Variants in FREM1 observed in about 807,000 individuals in gnomAD.
FREM1 encodes FRAS1-related extracellular matrix protein 1.
In FREM1, 220 loss-of-function variants were observed where a neutral mutation model predicts 210.1. The observed-to-expected ratio is 1.05, with a 90% CI of 0.94 to 1.17. The LOEUF is 1.17. Among genes scored for constraint, FREM1 ranks in the 50% most tolerant of loss-of-function variants. FREM1 has a pLI of 0.00. For missense variants in FREM1, 3,454 were observed against 2,675.5 expected (o/e 1.29, Z -6.42); for synonymous variants, 1,189 against 980.2 (o/e 1.21, Z -3.98).
intron 3 of FREM1, 80 bp downstream of exon 3, chr9:14,863,729 A>C: frequency 1.2e-6 from 1 of 808,406 alleles, no homozygotes; most frequent in African/African-American, 1.7e-5. Flanking sequence ...TCATGACAAT[A>C]CATATCCACA....
intron 25 of FREM1, among the ~76,000 whole-genome samples, chr9:14,771,235 C>T (rs903971312): frequency 1.3e-5 from 2 of 152,132 alleles, no homozygotes; most frequent in Non-Finnish European, 2.9e-5. Flanking sequence ...AGAAGAACTT[C>T]TCCTATTTTC....
chr9:14,763,991 T>C (rs981421771), intron 27 of FREM1, among the ~76,000 whole-genome samples: 9 of 152,204 alleles, frequency 5.9e-5, no homozygotes, highest in African/African-American at 2.2e-4. Context: ...TCCCCACATG[T>C]TGAATTGTAG....
Position 14,801,731 on chromosome 9 carries a change from G to C in FREM1, c.3615C>G (p.Phe1205Leu). The change falls in exon 20 of 37, where the codon TTC (phenylalanine) becomes TTG (leucine). Residue 1205 changes from phenylalanine (F) to leucine (L), a missense_variant. Coordinates refer to ENST00000380880, the MANE Select transcript of FREM1 (RefSeq NM_001379081.2). The part of the protein sequence containing the change: ...LLIDRGFSKD[F>L]SENKQPANPH... ...GGTTGGCTGGCTGCTTATTCTCAGAGAAGTCTTTGCTAAACCCCCTATCGA... is the reference window on the plus strand; with the variant it reads ...GGTTGGCTGGCTGCTTATTCTCAGACAAGTCTTTGCTAAACCCCCTATCGA... 6.2e-7 allele frequency: 1 copy of C among 1,613,984 alleles called. No individual in the cohort carries two copies. The highest frequency in any genetic ancestry group is 1.6e-4 in the Middle Eastern group (1 of 6,062).
At chr9:14,794,997 CAAA>C (rs36009556) in intron 21 of FREM1, among the ~76,000 whole-genome samples, 39,569 of 120,066 alleles carry the variant, frequency 0.33, 5,613 homozygotes, top group East Asian at 0.57. Flanking sequence ...GACTTTCTCT[CAAA>C]AAAAAAAAAA....
At chr9:14,757,255 A>T (rs2132198315) in intron 28 of FREM1, among the ~76,000 whole-genome samples, 1 of 152,230 alleles carries the variant, frequency 6.6e-6, no homozygotes, top group Non-Finnish European at 1.5e-5. Context: ...GCCCAAACAC[A>T]TGTTAAGAAG....
intron 1 of FREM1, among the ~76,000 whole-genome samples, chr9:14,889,518 G>A (rs2132338627): frequency 6.6e-6 from 1 of 152,336 alleles, no homozygotes; most frequent in South Asian, 2.1e-4. Flanking sequence ...ACAGCTACCT[G>A]GAAACCAAGG....
intron 15 of FREM1, among the ~76,000 whole-genome samples, chr9:14,814,969 A>G (rs756084058): frequency 1.3e-5 from 2 of 152,224 alleles, no homozygotes; most frequent in Non-Finnish European, 2.9e-5. Context: ...TTTTCAGACA[A>G]AAAAAGTAAC....
chr9:14,812,677 G>C, intron 16 of FREM1, 135 bp downstream of exon 16: 1 of 832,964 alleles, frequency 1.2e-6, no homozygotes, highest in East Asian at 2.5e-5. Flanking sequence ...TGGAAAAATG[G>C]AGGCCAGGCT....
intron 10 of FREM1, among the ~76,000 whole-genome samples, chr9:14,839,761 A>G (rs1825309400): frequency 6.6e-6 from 1 of 152,202 alleles, no homozygotes; most frequent in Admixed American, 6.5e-5. Context: ...TGAATTTTTC[A>G]TTTTTAAAAA....
At position 14,888,925 on chromosome 9, in the gene FREM1, AT is replaced by A. The variant is rs200772445; in HGVS notation, c.-267-19682del. Among the ~76,000 whole-genome samples the A allele has an allele frequency of 7.0e-3, 1,066 of 152,326 alleles. 15 individuals carry two copies. Among genetic ancestry groups the A allele is most frequent in the African/African-American group, 0.024 (1,015 of 41,572 alleles). Reference sequence around the variant, plus strand: ...AAACACAGAAACATATAGAAAAAAAATATCCTTTTCAATACCCCCAAAGAGT... The same window carrying A: ...AAACACAGAAACATATAGAAAAAAAAATCCTTTTCAATACCCCCAAAGAGT... On this transcript the variant is annotated intron_variant, in intron 1 of 36. Transcript: ENST00000380880.
At chr9:14,832,206 C>G (rs933261961) in intron 10 of FREM1, among the ~76,000 whole-genome samples, 1 of 152,244 alleles carries the variant, frequency 6.6e-6, no homozygotes, top group African/African-American at 2.4e-5. Flanking sequence ...GGGAAGTCAT[C>G]TGAGGGTCCC....
rs368731962 is a variant in FREM1, at chr9:14,804,990, T to C, written c.3437A>G (p.Asp1146Gly). The C allele has an allele frequency of 5.0e-6, 8 of 1,613,406 alleles. No homozygotes were observed. The highest frequency in any genetic ancestry group is 1.3e-5 in the African/African-American group (1 of 74,930). ...CTGCACTACAAAGTCAGGAGCTTCA[T>C]CATTTGTGGGGTTGATTATAATAGA... Reference protein sequence around the residue: ...PFSIIINPTNDEAPDFVVQNI... With the variant: ...PFSIIINPTNGEAPDFVVQNI... Residue 1146 changes from aspartate (D) to glycine (G), a missense_variant, in exon 19 of 37, where the codon GAT (aspartate) becomes GGT (glycine). Physicochemically the swap from Asp to Gly is moderately conservative, Grantham distance 94 (BLOSUM62 -1). Coordinates refer to ENST00000380880, the MANE Select transcript of FREM1 (RefSeq NM_001379081.2).
At position 14,884,461 on chromosome 9, in the gene FREM1, T is replaced by G. The variant is rs192698836; in HGVS notation, c.-267-15217A>C. On this transcript the variant is annotated intron_variant, in intron 1 of 36. Transcript: ENST00000380880. ...AAACGCCAATAAAGCTGTGTGAAAA[T>G]TCTTTCTGAAATGTGAAAAAACACG... Among the ~76,000 whole-genome samples the G allele has an allele frequency of 4.6e-3, 705 of 152,312 alleles. 4 individuals are homozygous for G. The highest frequency in any genetic ancestry group is 0.016 in the African/African-American group (673 of 41,576).
At chr9:14,838,179 T>C (rs1824975296) in intron 10 of FREM1, among the ~76,000 whole-genome samples, 1 of 152,242 alleles carries the variant, frequency 6.6e-6, no homozygotes, top group South Asian at 2.1e-4. Context: ...GTATTCTGAA[T>C]GCCATTGTTG....
chr9:14,867,460 G>A (rs1267638705), intron 2 of FREM1, among the ~76,000 whole-genome samples: 6 of 152,054 alleles, frequency 3.9e-5, no homozygotes, highest in Non-Finnish European at 5.9e-5. Context: ...TTTGACTGAC[G>A]ATAAAATCTT....
chr9:14,812,895 C>A lies in FREM1; in HGVS notation c.2810G>T (p.Gly937Val), dbSNP rs771479902. ...MFVIAREPQH[G>V]VVRRAGVTVD... ...TGTGACTCCAGCTCTCCTCACCACC[C>A]CATGCTGAGGTTCGCGAGCAATCAC... Residue 937 changes from glycine (G) to valine (V), a missense_variant, in exon 16 of 37, where the codon GGG becomes GTG. Coordinates refer to ENST00000380880, the MANE Select transcript of FREM1 (RefSeq NM_001379081.2). 3.7e-6 allele frequency: 6 copies of A among 1,613,704 alleles called. No individual in the cohort carries two copies. The African/African-American group carries it at 6.7e-5, about 18-fold the overall frequency.
intron 1 of FREM1, among the ~76,000 whole-genome samples, chr9:14,907,338 G>C (rs1357611679): frequency 6.6e-6 from 1 of 152,206 alleles, no homozygotes; most frequent in Non-Finnish European, 1.5e-5. Flanking sequence ...AGTATAGACA[G>C]TATTTCATTA....
chr9:14,858,384 C>T (rs1298397512), intron 4 of FREM1, among the ~76,000 whole-genome samples: 2 of 152,008 alleles, frequency 1.3e-5, no homozygotes, highest in Non-Finnish European at 2.9e-5. Flanking sequence ...AAAAATTGTA[C>T]AGATGAGGTC....
In FREM1 at chr9:14,776,166, C is replaced by A. The variant is rs1167713016; in HGVS notation, c.4480G>T (p.Val1494Leu). 3 of 1,542,030 alleles carry A rather than the reference C, an allele frequency of 1.9e-6. No homozygotes were observed. Among genetic ancestry groups the A allele is most frequent in the Non-Finnish European group, 2.6e-6 (3 of 1,144,392 alleles). Residue 1494 changes from valine (V) to leucine (L), a missense_variant, in exon 25 of 37, where the codon GTG (valine) becomes TTG (leucine). Transcript: ENST00000380880. ...ACAGTCTCCAGTGTGATCTCAAACA[C>A]CCCGTGCTCGGTCCGCAGTCCATTG... ...ISNGLRTEHG[V>L]FEITLETVDR...
Sources: gnomAD v4.1 joint callset for allele counts (sites outside exome capture counted in the v4.1 genomes callset) on GRCh38, gnomAD v4.1.1 for gene constraint, MANE v1.5 for transcripts, NCBI Gene and HGNC (gene_info 2026-07-23, HGNC 2026-07-21) for gene names.